CACNA1S: variants seen among roughly 807,000 people sequenced by gnomAD.
The protein encoded by CACNA1S is calcium voltage-gated channel subunit alpha1 S, also known as voltage-dependent L-type calcium channel subunit alpha-1S.
In CACNA1S, 126 loss-of-function variants were observed where a neutral mutation model predicts 207.4. The ratio of observed to expected loss-of-function variants is 0.61; its 90% CI spans 0.53 to 0.70. The LOEUF (loss-of-function observed/expected upper bound fraction) is 0.70, where lower values mean the gene tolerates loss of function less well. Ranked by LOEUF, CACNA1S falls within the 30% of genes least tolerant of loss-of-function variation. The pLI, the probability that CACNA1S is intolerant of heterozygous loss-of-function variation, is 0.00. For synonymous variants in CACNA1S, 960 were observed against 932.7 expected (o/e 1.03, Z -0.53); for missense variants, 2,349 against 2,422.8 (o/e 0.97, Z 0.64).
chr1:201,044,283 C>T (rs1314593542), intron 39 of CACNA1S, 45 bp downstream of exon 39: 1 of 1,610,442 alleles, frequency 6.2e-7, no homozygotes, highest in Non-Finnish European at 8.5e-7. Flanking sequence ...GACACTGCCA[C>T]TCATGGTGTC....
Position 201,069,338 on chromosome 1 carries a change from C to G in CACNA1S, c.2490+134G>C, listed in dbSNP as rs530903867. The G allele has an allele frequency of 3.6e-5, 53 of 1,452,444 alleles. 2 individuals carry two copies. In the South Asian group the frequency reaches 6.4e-4, roughly 17 times the overall value. 90.0% of individuals were successfully genotyped at this position (1,452,444 alleles called of 1,614,324 possible). A position where few individuals can be genotyped will look rare whatever the true frequency, so the allele number is the denominator to read the frequency against. On this transcript the variant is annotated intron_variant, in intron 18 of 43. Coordinates refer to ENST00000362061, the MANE Select transcript of CACNA1S (RefSeq NM_000069.3). ...TTCAGAAGGAGTGGAGTGGGCAGTC[C>G]TATCCCTGAGGAACTGAACTCTAAG...
Position 201,089,439 on chromosome 1 carries a change from T to C in CACNA1S, c.719A>G (p.Glu240Gly). Residue 240 changes from glutamate to glycine, a missense_variant, in exon 6 of 44, where the codon GAA (glutamate) becomes GGA (glycine). Physicochemically the swap from Glu to Gly is moderately conservative, Grantham distance 98. Coordinates refer to ENST00000362061, the MANE Select transcript of CACNA1S (RefSeq NM_000069.3). The part of the protein sequence containing the change: ...GTDIVATVEN[E>G]EPSPCARTGS... Reference sequence around the variant, plus strand: ...CGTCCTGGCGCAGGGCGATGGCTCTTCATTCTCCACCGTGGCCACGATATC... The same window carrying C: ...CGTCCTGGCGCAGGGCGATGGCTCTCCATTCTCCACCGTGGCCACGATATC... The C allele has an allele frequency of 1.2e-6, 2 of 1,614,110 alleles. No homozygotes were observed. Among genetic ancestry groups the C allele is most frequent in the Non-Finnish European group, 1.7e-6 (2 of 1,180,032 alleles).
intron 16 of CACNA1S, 36 bp from the exon 17 acceptor site, chr1:201,070,440 C>T (rs1470337042): frequency 1.2e-6 from 2 of 1,612,200 alleles, no homozygotes; most frequent in Non-Finnish European, 1.7e-6. Flanking sequence ...GGGTGTCTTC[C>T]CATGCTTTGC....
chr1:201,080,065 TGA>T (rs1405091207), intron 10 of CACNA1S, among the ~76,000 whole-genome samples: 1 of 152,154 alleles, frequency 6.6e-6, no homozygotes, highest in Non-Finnish European at 1.5e-5. Flanking sequence ...GTGATACCCT[TGA>T]GTATACACTC....
At chr1:201,062,404 C>T in intron 23 of CACNA1S, 58 bp downstream of exon 23, 2 of 1,534,288 alleles carry the variant, frequency 1.3e-6, no homozygotes, top group South Asian at 2.2e-5. Flanking sequence ...TGCCCCGTGA[C>T]TGTCCCACCA....
chr1:201,103,820 C>T (rs541754618), intron 2 of CACNA1S, among the ~76,000 whole-genome samples: 1 of 152,304 alleles, frequency 6.6e-6, no homozygotes, highest in East Asian at 1.9e-4. Flanking sequence ...AAAAGACAAA[C>T]GCCCTGGCTG....
At chr1:201,087,443 C>T (rs1353987570) in intron 7 of CACNA1S, among the ~76,000 whole-genome samples, 1 of 152,152 alleles carries the variant, frequency 6.6e-6, no homozygotes, top group Non-Finnish European at 1.5e-5. Context: ...CCCCCGGGGC[C>T]AGGAGGCTGG....
intron 22 of CACNA1S, 57 bp from the exon 23 acceptor site, chr1:201,062,571 GA>G (rs1661098655): frequency 6.5e-7 from 1 of 1,543,194 alleles, no homozygotes; most frequent in Non-Finnish European, 8.9e-7. Context: ...AAACAGGATA[GA>G]AAAGTGGGCT....
chr1:201,071,085 G>T (rs565522278), intron 16 of CACNA1S, among the ~76,000 whole-genome samples: 1 of 152,092 alleles, frequency 6.6e-6, no homozygotes, highest in Non-Finnish European at 1.5e-5. Context: ...CTGAGTACCC[G>T]AAATCCTCAG....
chr1:201,061,538 T>C, intron 24 of CACNA1S, 70 bp from the exon 25 acceptor site: 1 of 1,457,572 alleles, frequency 6.9e-7, no homozygotes, highest in South Asian at 1.2e-5. Context: ...CTGGGAAGGA[T>C]GGGCTTTATC....
intron 28 of CACNA1S, among the ~76,000 whole-genome samples, chr1:201,058,153 G>C (rs529299828): frequency 6.6e-6 from 1 of 152,296 alleles, no homozygotes; most frequent in Admixed American, 6.5e-5. Flanking sequence ...ACCCAGAGAC[G>C]ACTTTCCTTT....
At chr1:201,070,488 G>T in intron 16 of CACNA1S, 84 bp from the exon 17 acceptor site, 2 of 1,584,484 alleles carry the variant, frequency 1.3e-6, no homozygotes, top group Admixed American at 1.7e-5. Context: ...CCTCCTAGGA[G>T]CCCCTGCAGC....
At chr1:201,051,780 C>T (rs568714136) in intron 32 of CACNA1S, among the ~76,000 whole-genome samples, 1 of 152,228 alleles carries the variant, frequency 6.6e-6, no homozygotes, top group Non-Finnish European at 1.5e-5. Context: ...ATAACTGTCT[C>T]ATTTCAGCTA....
intron 2 of CACNA1S, among the ~76,000 whole-genome samples, chr1:201,105,372 A>C (rs1418801639): frequency 6.6e-6 from 1 of 152,194 alleles, no homozygotes; most frequent in Non-Finnish European, 1.5e-5. Context: ...TCACTCATCC[A>C]GTTACCTCTC....
At chr1:201,097,824 A>G (rs1366573197) in intron 2 of CACNA1S, among the ~76,000 whole-genome samples, 1 of 152,102 alleles carries the variant, frequency 6.6e-6, no homozygotes, top group East Asian at 1.9e-4. Flanking sequence ...CCAACTGGTG[A>G]TTCTGATGCC....
chr1:201,045,472 C>T (rs537343359), intron 38 of CACNA1S, among the ~76,000 whole-genome samples: 4 of 152,118 alleles, frequency 2.6e-5, no homozygotes, highest in East Asian at 1.9e-4. Flanking sequence ...TGGTGACTCA[C>T]GTCTGTAATC....
At chr1:201,092,141 G>A (rs1558081332) in intron 3 of CACNA1S, 27 bp from the exon 4 acceptor site, 1 of 1,613,832 alleles carries the variant, frequency 6.2e-7, no homozygotes, top group Non-Finnish European at 8.5e-7. Flanking sequence ...GGAGAGAGGG[G>A]GTCCAGGGGT....
Position 201,044,330 on chromosome 1 carries a change from G to C in CACNA1S, c.4795C>G (p.Arg1599Gly). The C allele has an allele frequency of 6.2e-7, 1 of 1,613,230 alleles. No homozygotes were observed. The highest frequency in any genetic ancestry group is 8.5e-7 in the Non-Finnish European group (1 of 1,179,566). Reference sequence around the variant, plus strand: ...GGGTGCTCCTGGCTCTCCCTCACCCGGAATATTCCCTCCTCCATCGCAGCC... The same window carrying C: ...GGGTGCTCCTGGCTCTCCCTCACCCCGAATATTCCCTCCTCCATCGCAGCC... ...VEAAMEEGIF[R>G]RTGGLFGQVD... The change falls in exon 39 of 44, where the codon CGG becomes GGG. Residue 1599 changes from arginine to glycine, a missense_variant and splice_region_variant. Physicochemically the swap from Arg to Gly is moderately radical, Grantham distance 125. Coordinates refer to ENST00000362061, the MANE Select transcript of CACNA1S (RefSeq NM_000069.3).
chr1:201,062,539 G>T, intron 22 of CACNA1S, 25 bp from the exon 23 acceptor site: 5 of 1,595,738 alleles, frequency 3.1e-6, no homozygotes, highest in Non-Finnish European at 3.4e-6. Context: ...AGGGAGGGAG[G>T]GAGGGAGGCA....
Sources: allele counts gnomAD v4.1 joint callset (sites outside exome capture counted in the v4.1 genomes callset), GRCh38; gene constraint gnomAD v4.1.1; transcripts MANE v1.5; gene names NCBI Gene and HGNC (gene_info 2026-07-23, HGNC 2026-07-21).